The following CNTNAP2 variants were observed in gnomAD, a reference collection of about 807,000 sequenced individuals.
CNTNAP2 encodes the protein contactin-associated protein-like 2.
In CNTNAP2, 98 loss-of-function variants were observed where a neutral mutation model predicts 155.2. The observed-to-expected ratio is 0.63, with a 90% confidence interval of 0.54 to 0.75. The LOEUF (loss-of-function observed/expected upper bound fraction) is 0.75. Ranked by LOEUF, CNTNAP2 falls within the 30% of genes least tolerant of loss-of-function variation. CNTNAP2 has a pLI of 0.00. For synonymous variants in CNTNAP2, 651 were observed against 631.2 expected (o/e 1.03, Z -0.47); for missense variants, 1,727 against 1,688.1 (o/e 1.02, Z -0.40).
At chr7:148,089,933 T>C (rs1179945820) in intron 15 of CNTNAP2, among the ~76,000 whole-genome samples, 3 of 151,734 alleles carry the variant, frequency 2.0e-5, no homozygotes, top group Non-Finnish European at 3.0e-5. Context: ...CAGACACATA[T>C]ACCAATGGAA....
At chr7:147,291,652 C>A (rs1164240038) in intron 8 of CNTNAP2, among the ~76,000 whole-genome samples, 1 of 152,006 alleles carries the variant, frequency 6.6e-6, no homozygotes, top group Non-Finnish European at 1.5e-5. Context: ...TAGATATATA[C>A]TTAGGAGGGG....
chr7:147,681,482 G>A (rs149372526), intron 13 of CNTNAP2, among the ~76,000 whole-genome samples: 55 of 151,946 alleles, frequency 3.6e-4, no homozygotes, highest in African/African-American at 1.3e-3. Context: ...TAGGAGAAAA[G>A]TTTTGCTTCT....
At chr7:147,728,113 C>T (rs964451288) in intron 13 of CNTNAP2, among the ~76,000 whole-genome samples, 3 of 151,892 alleles carry the variant, frequency 2.0e-5, no homozygotes, top group Non-Finnish European at 4.4e-5. Flanking sequence ...GAGAAAATTG[C>T]CATAGACGAC....
At chr7:148,219,188 C>T (rs1407849946) in intron 19 of CNTNAP2, among the ~76,000 whole-genome samples, 1 of 152,116 alleles carries the variant, frequency 6.6e-6, no homozygotes, top group Non-Finnish European at 1.5e-5. Context: ...GATCCACCTG[C>T]CTTGGCCTCC....
chr7:147,636,869 G>A (rs901037803), intron 12 of CNTNAP2, among the ~76,000 whole-genome samples: 3 of 152,150 alleles, frequency 2.0e-5, no homozygotes, highest in African/African-American at 7.2e-5. Context: ...AGGAAGAGGA[G>A]GCAGAGAGCA....
At chr7:148,373,093 T>G (rs1204207221) in intron 21 of CNTNAP2, among the ~76,000 whole-genome samples, 1 of 152,142 alleles carries the variant, frequency 6.6e-6, no homozygotes, top group Non-Finnish European at 1.5e-5. Flanking sequence ...TAACAATGCC[T>G]TCTTCTGGAA....
At chr7:148,052,016 G>A (rs1802901170) in intron 15 of CNTNAP2, among the ~76,000 whole-genome samples, 1 of 152,092 alleles carries the variant, frequency 6.6e-6, no homozygotes. Context: ...GCAGGTGCCT[G>A]TAGTCCCAGC....
intron 1 of CNTNAP2, among the ~76,000 whole-genome samples, chr7:146,563,551 G>T (rs1253641756): frequency 2.0e-5 from 3 of 152,020 alleles, no homozygotes; most frequent in African/African-American, 7.2e-5. Context: ...ACTACCAGTT[G>T]CTGGTACCTG....
intron 15 of CNTNAP2, among the ~76,000 whole-genome samples, chr7:148,021,446 A>G (rs1006505): frequency 0.45 from 67,666 of 151,982 alleles, 17,296 homozygotes; most frequent in African/African-American, 0.72. Context: ...CAGTCTACAT[A>G]AATAGGGAGA....
chr7:147,460,781 T>C (rs1798008405), intron 10 of CNTNAP2, among the ~76,000 whole-genome samples: 1 of 152,238 alleles, frequency 6.6e-6, no homozygotes, highest in Non-Finnish European at 1.5e-5. Context: ...TTCCTTGGCA[T>C]TAACCATTAG....
intron 13 of CNTNAP2, among the ~76,000 whole-genome samples, chr7:147,750,766 C>T (rs996568114): frequency 2.0e-5 from 3 of 152,096 alleles, no homozygotes; most frequent in South Asian, 2.1e-4. Context: ...TGGCTGGGTG[C>T]GGCGGCTCAT....
At chr7:147,511,419 T>C (rs1341817384) in intron 11 of CNTNAP2, among the ~76,000 whole-genome samples, 1 of 151,648 alleles carries the variant, frequency 6.6e-6, no homozygotes, top group African/African-American at 2.4e-5. Context: ...CAAGCCGATT[T>C]TCTTTTTTAA....
chr7:148,047,206 C>T (rs1802790485), intron 15 of CNTNAP2, among the ~76,000 whole-genome samples: 1 of 152,222 alleles, frequency 6.6e-6, no homozygotes, highest in South Asian at 2.1e-4. Flanking sequence ...CATAAAATCA[C>T]TGCAAACACT....
chr7:148,383,704 T>C lies in CNTNAP2; in HGVS notation c.3531T>C (p.Gly1177=). The change falls in exon 22 of 24, where the codon GGT becomes GGC. Residue 1177 remains glycine (G), a synonymous_variant. Transcript: ENST00000361727. ...IHKYNTPGFT[G]CLSRVQFNQI... ...AATACAACACCCCAGGATTCACTGG[T>C]TGCCTCTCCAGAGTCCAGTTCAACC... is the stretch of plus-strand genomic sequence containing the variant. 6.2e-7 allele frequency: 1 copy of C among 1,614,190 alleles called. No individual in the cohort carries two copies. Among genetic ancestry groups the C allele is most frequent in the South Asian group, 1.1e-5 (1 of 91,082 alleles).
At chr7:148,115,573 C>T (rs1804449757) in intron 15 of CNTNAP2, among the ~76,000 whole-genome samples, 1 of 152,126 alleles carries the variant, frequency 6.6e-6, no homozygotes, top group South Asian at 2.1e-4. Flanking sequence ...TTTATTCCCT[C>T]CCAGCTTCAG....
At chr7:148,219,228 C>A (rs1339856862) in intron 19 of CNTNAP2, among the ~76,000 whole-genome samples, 2 of 152,144 alleles carry the variant, frequency 1.3e-5, no homozygotes, top group African/African-American at 2.4e-5. Flanking sequence ...GTGTGAACCA[C>A]TGCGTCAGCC....
rs544630218 is a variant in CNTNAP2, at chr7:146,686,708, G to T, written c.98-87563G>T. ...GAACAAAATGCTGGCTTGTCACATG[G>T]TTCTTAGAAAGACTGTCTAGTCATA... On this transcript the variant is annotated intron_variant, in intron 1 of 23. Coordinates refer to ENST00000361727, the MANE Select transcript of CNTNAP2 (RefSeq NM_014141.6). Among the ~76,000 whole-genome samples, 591 of 152,246 alleles carry T rather than the reference G, an allele frequency of 3.9e-3. 4 individuals carry two copies. Among genetic ancestry groups the T allele is most frequent in the African/African-American group, 0.013 (539 of 41,566 alleles).
intron 3 of CNTNAP2, among the ~76,000 whole-genome samples, chr7:146,952,437 G>A (rs982619885): frequency 2.0e-5 from 3 of 152,038 alleles, no homozygotes; most frequent in Non-Finnish European, 2.9e-5. Context: ...AGGGCAATCA[G>A]GCAAGGAAAG....
At chr7:148,287,389 C>T (rs1176050930) in intron 21 of CNTNAP2, among the ~76,000 whole-genome samples, 3 of 152,168 alleles carry the variant, frequency 2.0e-5, no homozygotes, top group Admixed American at 2.0e-4. Context: ...TGTTCAGCTT[C>T]GCTCATAATT....
Sources: allele counts gnomAD v4.1 joint callset (sites outside exome capture counted in the v4.1 genomes callset), GRCh38; gene constraint gnomAD v4.1.1; transcripts MANE v1.5; gene names NCBI Gene and HGNC (gene_info 2026-07-23, HGNC 2026-07-21).